NIPA1: variants seen among roughly 807,000 people sequenced by gnomAD.
NIPA1 encodes NIPA magnesium transporter 1.
In NIPA1, 13 loss-of-function variants were observed where a neutral mutation model predicts 23.9. The observed-to-expected ratio is 0.54, with a 90% CI of 0.35 to 0.87. The LOEUF is 0.87. NIPA1 is among the 40% of genes least tolerant of loss of function. The pLI, the probability that NIPA1 is intolerant of heterozygous loss-of-function variation, is 0.01. For missense variants in NIPA1, 362 were observed against 429.7 expected (o/e 0.84, Z 1.39); for synonymous variants, 234 against 202.9 (o/e 1.15, Z -1.30).
At chr15:22,820,623 C>T (rs1440374034) in intron 4 of NIPA1, 150 bp downstream of exon 4, 6 of 763,958 alleles carry the variant, frequency 7.9e-6, no homozygotes, top group Middle Eastern at 3.6e-4. Flanking sequence ...TCTCTGGGAA[C>T]GTGCATCAGT....
At chr15:22,805,551 G>T (rs760932282) in intron 1 of NIPA1, among the ~76,000 whole-genome samples, 1 of 152,142 alleles carries the variant, frequency 6.6e-6, no homozygotes, top group Non-Finnish European at 1.5e-5. Context: ...GCTGGGTGTG[G>T]TGGCGCAGCC....
At position 22,807,602 on chromosome 15, in the gene NIPA1, A is replaced by G. The variant is rs555653736; in HGVS notation, c.179-3147A>G. On this transcript the variant is annotated intron_variant, in intron 1 of 4. Coordinates refer to ENST00000337435, the MANE Select transcript of NIPA1 (RefSeq NM_144599.5). ...ACCCTGTCTCAAAAAGAAAAAAAAAATCTAAAAACCCAATAAAAACAAAAT... is the reference window on the plus strand; with the variant it reads ...ACCCTGTCTCAAAAAGAAAAAAAAAGTCTAAAAACCCAATAAAAACAAAAT... 3.9e-5 allele frequency among the ~76,000 whole-genome samples: 6 copies of G among 152,228 alleles called. 1 individual carries two copies. In the South Asian group the frequency reaches 1.2e-3, roughly 32 times the overall value.
intron 1 of NIPA1, among the ~76,000 whole-genome samples, chr15:22,789,943 C>A (rs956190404): frequency 3.9e-5 from 6 of 152,036 alleles, no homozygotes; most frequent in Non-Finnish European, 7.4e-5. Flanking sequence ...TACAGGTACA[C>A]GCTACCATGT....
intron 1 of NIPA1, among the ~76,000 whole-genome samples, chr15:22,789,976 C>T (rs1186993399): frequency 6.6e-6 from 1 of 151,958 alleles, no homozygotes; most frequent in Non-Finnish European, 1.5e-5. Context: ...TGTATTTTAG[C>T]AGAGACGGGG....
chr15:22,808,810 C>T (rs766727088), intron 1 of NIPA1, among the ~76,000 whole-genome samples: 1 of 151,418 alleles, frequency 6.6e-6, no homozygotes, highest in Non-Finnish European at 1.5e-5. Flanking sequence ...GCTGGGACCA[C>T]AGGCATGCAC....
At chr15:22,790,084 A>G (rs1398133059) in intron 1 of NIPA1, among the ~76,000 whole-genome samples, 6 of 152,082 alleles carry the variant, frequency 3.9e-5, no homozygotes, top group African/African-American at 1.4e-4. Flanking sequence ...CTGAGCCACC[A>G]TGCCCTGTCA....
intron 1 of NIPA1, among the ~76,000 whole-genome samples, chr15:22,793,622 G>A (rs1894881942): frequency 6.6e-6 from 1 of 151,868 alleles, no homozygotes; most frequent in Non-Finnish European, 1.5e-5. Flanking sequence ...CCTATCTTTA[G>A]TAGAGACAGG....
chr15:22,814,248 T>A, intron 3 of NIPA1: 1 of 397,186 alleles, frequency 2.5e-6, no homozygotes, highest in Non-Finnish European at 4.1e-6. Context: ...TGTATGTATA[T>A]ATGAGTTTTT....
At chr15:22,798,859 A>AC (rs1895002295) in intron 1 of NIPA1, among the ~76,000 whole-genome samples, 2 of 150,926 alleles carry the variant, frequency 1.3e-5, no homozygotes, top group African/African-American at 4.9e-5. Context: ...AAAAAAAAAA[A>AC]AAACCTCTTT....
At chr15:22,798,664 C>G (rs1239213961) in intron 1 of NIPA1, among the ~76,000 whole-genome samples, 1 of 149,048 alleles carries the variant, frequency 6.7e-6, no homozygotes, top group Admixed American at 6.7e-5. Context: ...CTGGCCAACA[C>G]GGTGAATCCC....
intron 1 of NIPA1, among the ~76,000 whole-genome samples, chr15:22,787,185 C>G (rs1370176109): frequency 6.6e-6 from 1 of 152,090 alleles, no homozygotes; most frequent in African/African-American, 2.4e-5. Flanking sequence ...CCGCGCCGCC[C>G]GGCAGCCCTC....
chr15:22,794,088 C>T (rs1894893104), intron 1 of NIPA1, among the ~76,000 whole-genome samples: 1 of 150,450 alleles, frequency 6.6e-6, no homozygotes, highest in Admixed American at 6.7e-5. Flanking sequence ...TTTTCTATTT[C>T]CCTGAAAAAT....
intron 3 of NIPA1, 125 bp downstream of exon 3, chr15:22,812,378 A>C: frequency 1.4e-6 from 1 of 731,056 alleles, no homozygotes; most frequent in Non-Finnish European, 2.4e-6. Context: ...CAGGCCGGGC[A>C]TGGTGGCTTA....
chr15:22,823,492 G>A (rs149644252), intron 4 of NIPA1, among the ~76,000 whole-genome samples: 71 of 152,324 alleles, frequency 4.7e-4, no homozygotes, highest in African/African-American at 1.6e-3. Flanking sequence ...GAGCCACCGC[G>A]TCTGGCTAAC....
chr15:22,824,497 A>G lies in NIPA1; in HGVS notation c.*258A>G. The G allele has an allele frequency of 2.1e-6, 1 of 483,310 alleles. No homozygotes were observed. 29.9% of individuals were successfully genotyped at this position (483,310 alleles called of 1,614,324 possible). ...ACGAATCTCATTTTCATTTCCATTA[A>G]CCTGGAAGCTTTCATGAATATTCTC... On this transcript the variant is annotated 3_prime_UTR_variant, in exon 5 of 5. Coordinates refer to ENST00000337435, the MANE Select transcript of NIPA1 (RefSeq NM_144599.5). This position sits in a 1 kb window ranked among gnomAD's most constrained non-coding sequence, Gnocchi z 4.1.
intron 1 of NIPA1, among the ~76,000 whole-genome samples, chr15:22,796,748 G>T (rs1173351364): frequency 6.6e-6 from 1 of 152,124 alleles, no homozygotes; most frequent in Non-Finnish European, 1.5e-5. Flanking sequence ...AATGTAAACG[G>T]TCCCTTTTAG....
intron 1 of NIPA1, among the ~76,000 whole-genome samples, chr15:22,804,005 C>T (rs1183357849): frequency 6.7e-6 from 1 of 149,436 alleles, no homozygotes; most frequent in Non-Finnish European, 1.5e-5. Flanking sequence ...GAGACAGGGT[C>T]TCACTCTGTT....
chr15:22,818,739 G>A (rs1404489828), intron 3 of NIPA1, among the ~76,000 whole-genome samples: 1 of 151,660 alleles, frequency 6.6e-6, no homozygotes, highest in African/African-American at 2.4e-5. Context: ...AGAGGTTGCA[G>A]TGAGTCGAGA....
intron 3 of NIPA1, among the ~76,000 whole-genome samples, chr15:22,813,907 G>C (rs879175950): frequency 6.6e-6 from 1 of 152,250 alleles, no homozygotes; most frequent in South Asian, 2.1e-4. Context: ...TCTGTGACCC[G>C]TCCCCCTGAA....
Sources: allele counts gnomAD v4.1 joint callset (sites outside exome capture counted in the v4.1 genomes callset), GRCh38; gene constraint gnomAD v4.1.1; non-coding constraint Gnocchi (gnomAD v3.1); transcripts MANE v1.5; gene names NCBI Gene and HGNC (gene_info 2026-07-23, HGNC 2026-07-21).